The following MIPOL1 variants were observed in gnomAD, a reference collection of about 807,000 sequenced individuals.
MIPOL1 encodes mirror-image polydactyly 1, also known as mirror-image polydactyly gene 1 protein.
A neutral mutation model predicts 60.9 loss-of-function variants in MIPOL1; 57 were observed. That is an observed-to-expected ratio of 0.94 (90% confidence interval 0.76 to 1.17). MIPOL1 has a LOEUF of 1.17. MIPOL1 is among the 50% of genes most tolerant of loss of function. The probability of loss-of-function intolerance (pLI) is 0.00; values close to 1 mark genes in which losing one functional copy is unlikely to be tolerated. For synonymous variants in MIPOL1, 179 were observed against 168.8 expected (o/e 1.06, Z -0.47); for missense variants, 551 against 511.6 (o/e 1.08, Z -0.74).
chr14:37,490,091 G>A (rs1357809192), intron 11 of MIPOL1, among the ~76,000 whole-genome samples: 1 of 152,192 alleles, frequency 6.6e-6, no homozygotes, highest in Non-Finnish European at 1.5e-5. Context: ...GGGAGATGGG[G>A]GTTTTATCTA....
chr14:37,377,741 T>TA (rs2092815401), intron 10 of MIPOL1, among the ~76,000 whole-genome samples: 1 of 131,188 alleles, frequency 7.6e-6, no homozygotes, highest in Non-Finnish European at 1.6e-5. Context: ...TTCCTATTTT[T>TA]ATGCCTTTTT....
chr14:37,257,182 G>A (rs1975110059), intron 3 of MIPOL1, among the ~76,000 whole-genome samples: 1 of 149,374 alleles, frequency 6.7e-6, no homozygotes, highest in African/African-American at 2.5e-5. Context: ...TACATAGAAA[G>A]TTATGTAATG....
At chr14:37,461,644 G>C (rs8003987) in intron 11 of MIPOL1, among the ~76,000 whole-genome samples, 26,184 of 152,106 alleles carry the variant, frequency 0.17, 4,351 homozygotes, top group African/African-American at 0.42. Flanking sequence ...TAGATACAAT[G>C]GGGGTTCAGG....
Position 37,451,808 on chromosome 14 carries a change from C to CTTTTTTTTTTTTTTTTTTTTTTTTTT in MIPOL1, c.1031+28883_1031+28884insTTTTTTTTTTTTTTTTTTTTTTTTTT, listed in dbSNP as rs535978128. ...CTTAAGGTTCTTTTGTTTATTCTCT[C>CTTTTTTTTTTTTTTTTTTTTTTTTTT]TTTTTTTTTTTTTTTTTTTTTTTTG... On this transcript the variant is annotated intron_variant, in intron 11 of 12. Coordinates refer to ENST00000684589, the MANE Select transcript of MIPOL1 (RefSeq NM_001388067.1). Among the ~76,000 whole-genome samples the CTTTTTTTTTTTTTTTTTTTTTTTTTT allele has an allele frequency of 1.3e-4, 11 of 84,566 alleles. 1 individual carries two copies. The highest frequency in any genetic ancestry group is 7.0e-4 in the African/African-American group (11 of 15,750). The allele number at this position is 84,566 out of a possible 152,430, so 55.5% of individuals were successfully genotyped here.
chr14:37,486,223 G>A (rs953535701), intron 11 of MIPOL1, among the ~76,000 whole-genome samples: 64 of 152,252 alleles, frequency 4.2e-4, no homozygotes, highest in African/African-American at 1.4e-3. Context: ...GTACCATGCT[G>A]TTTTGGTTAC....
chr14:37,346,379 T>A (rs1374035619), intron 9 of MIPOL1, among the ~76,000 whole-genome samples: 1 of 152,194 alleles, frequency 6.6e-6, no homozygotes, highest in Non-Finnish European at 1.5e-5. Context: ...TACTTGCCAC[T>A]TTGGGTATTC....
chr14:37,455,053 T>C (rs559341872), intron 11 of MIPOL1, among the ~76,000 whole-genome samples: 1 of 151,576 alleles, frequency 6.6e-6, no homozygotes, highest in South Asian at 2.1e-4. Context: ...AGAAGCCACA[T>C]CTCTCTCTCT....
chr14:37,487,297 T>G (rs2094963312), intron 11 of MIPOL1, among the ~76,000 whole-genome samples: 1 of 152,232 alleles, frequency 6.6e-6, no homozygotes, highest in South Asian at 2.1e-4. Flanking sequence ...TGAAATTTTC[T>G]TTTTGTTTTG....
chr14:37,340,482 G>A (rs145625891), intron 9 of MIPOL1, among the ~76,000 whole-genome samples: 12 of 152,120 alleles, frequency 7.9e-5, no homozygotes, highest in East Asian at 7.7e-4. Flanking sequence ...AGGCCAAGTC[G>A]GACGATCCCT....
At chr14:37,393,404 TTGTG>T (rs66937049) in intron 10 of MIPOL1, among the ~76,000 whole-genome samples, 48 of 117,804 alleles carry the variant, frequency 4.1e-4, no homozygotes, top group Admixed American at 5.9e-4. Flanking sequence ...TGTTTTGTTT[TTGTG>T]TGTGTGTGTG....
chr14:37,415,545 C>T (rs1338579836), intron 10 of MIPOL1, among the ~76,000 whole-genome samples: 2 of 148,308 alleles, frequency 1.3e-5, no homozygotes, highest in African/African-American at 2.5e-5. Context: ...CGGAGAATGG[C>T]GTGAACCTGG....
intron 7 of MIPOL1, among the ~76,000 whole-genome samples, chr14:37,298,642 C>T (rs1334253738): frequency 9.2e-5 from 14 of 151,990 alleles, no homozygotes; most frequent in African/African-American, 1.7e-4. Flanking sequence ...GCGAAGGATC[C>T]GAACAGACAC....
intron 10 of MIPOL1, 192 bp downstream of exon 10, chr14:37,369,816 AAAC>A: frequency 3.0e-6 from 1 of 331,594 alleles, no homozygotes. Context: ...GTGTACGTGA[AAAC>A]AACACATTTT....
chr14:37,302,096 T>A (rs1486427359), intron 7 of MIPOL1, among the ~76,000 whole-genome samples: 1 of 145,278 alleles, frequency 6.9e-6, no homozygotes, highest in Non-Finnish European at 1.5e-5. Context: ...ACATATATTT[T>A]CAAATCAGTT....
At chr14:37,368,290 ACAT>A (rs2092539664) in intron 9 of MIPOL1, among the ~76,000 whole-genome samples, 1 of 152,096 alleles carries the variant, frequency 6.6e-6, no homozygotes, top group Non-Finnish European at 1.5e-5. Flanking sequence ...TTGTACACAA[ACAT>A]CATTTTGCAA....
intron 11 of MIPOL1, among the ~76,000 whole-genome samples, chr14:37,472,483 A>G (rs889428949): frequency 2.3e-4 from 35 of 152,284 alleles, no homozygotes; most frequent in African/African-American, 7.2e-4. Flanking sequence ...TCTTTTGGCT[A>G]GAACTGACCC....
At chr14:37,357,057 T>C (rs2153479452) in intron 9 of MIPOL1, among the ~76,000 whole-genome samples, 1 of 152,326 alleles carries the variant, frequency 6.6e-6, no homozygotes, top group South Asian at 2.1e-4. Flanking sequence ...TGAACAGTGC[T>C]GCAACAAACA....
At chr14:37,225,875 C>T (rs1444378614) in intron 1 of MIPOL1, among the ~76,000 whole-genome samples, 1 of 152,142 alleles carries the variant, frequency 6.6e-6, no homozygotes, top group East Asian at 1.9e-4. Flanking sequence ...GCACCCAAGT[C>T]ACCTCTCGAA....
chr14:37,453,133 T>A (rs2153576437), intron 11 of MIPOL1, among the ~76,000 whole-genome samples: 1 of 152,278 alleles, frequency 6.6e-6, no homozygotes, highest in African/African-American at 2.4e-5. Context: ...AAAAGTATGA[T>A]TTTTTTAACT....
Sources: allele counts gnomAD v4.1 joint callset (sites outside exome capture counted in the v4.1 genomes callset), GRCh38; gene constraint gnomAD v4.1.1; transcripts MANE v1.5; gene names NCBI Gene and HGNC (gene_info 2026-07-23, HGNC 2026-07-21).